MSN: variants seen among roughly 807,000 people sequenced by gnomAD.
The protein encoded by MSN is moesin, also known as epididymis luminal protein 70.
MSN carries 2 observed loss-of-function variants against 48.0 expected under a neutral mutation model. That is an observed-to-expected ratio of 0.04 (90% CI 0.02 to 0.13). MSN has a LOEUF of 0.13. Ranked by LOEUF, MSN falls within the 10% of genes least tolerant of loss-of-function variation. The pLI is 1.00. For missense variants in MSN, 267 were observed against 470.1 expected (o/e 0.57, Z 3.99); for synonymous variants, 146 against 166.9 (o/e 0.87, Z 0.97).
chrX:65,628,636 T>G (rs767243242), intron 1 of MSN, among the ~76,000 whole-genome samples: 11 of 112,129 alleles, frequency 9.8e-5, no homozygotes, highest in Admixed American at 1.9e-4. Flanking sequence ...TCTTGGGGAT[T>G]AACATTAGGC....
intron 1 of MSN, among the ~76,000 whole-genome samples, chrX:65,691,654 G>A (rs536904715): frequency 1.4e-4 from 15 of 110,607 alleles, no homozygotes; most frequent in African/African-American, 4.3e-4. Flanking sequence ...CCAGGTGCCC[G>A]CCTCCACGCC....
chrX:65,728,974 G>A (rs929738269), intron 3 of MSN, among the ~76,000 whole-genome samples: 1 of 112,007 alleles, frequency 8.9e-6, no homozygotes, highest in African/African-American at 3.2e-5. Context: ...TGCTGGACAA[G>A]TGTGGAGCCA....
At chrX:65,667,878 C>G (rs767602800) in intron 1 of MSN, 25 bp downstream of exon 1, 3 of 1,201,150 alleles carry the variant, frequency 2.5e-6, no homozygotes, top group South Asian at 1.8e-5. Context: ...TGGGCGCTGT[C>G]GACCCCAATG....
At chrX:65,642,026 C>T (rs1042157971) in intron 1 of MSN, among the ~76,000 whole-genome samples, 25 of 102,672 alleles carry the variant, frequency 2.4e-4, no homozygotes, top group African/African-American at 8.6e-4. Flanking sequence ...CCCAGCTACT[C>T]GGGAGGCTGA....
rs182405344 is a variant in MSN, at chrX:65,623,585, C to T, written c.-22+34973C>T. ...CAGCATTTTGGGAGGCCAAGGTGGG[C>T]GGATCACCCGAGGTCAGGAGTTCAA... is the stretch of plus-strand genomic sequence containing the variant. On this transcript the variant is annotated intron_variant, in intron 1 of 3. Transcript: ENST00000609672. Among the ~76,000 whole-genome samples the T allele has an allele frequency of 6.9e-3, 753 of 109,396 alleles. 29 individuals carry two copies. The highest frequency in any genetic ancestry group is 0.022 in the African/African-American group (653 of 29,673). 95.0% of individuals were successfully genotyped at this position (109,396 alleles called of 115,157 possible).
At chrX:65,666,036 G>A (rs2070865255), upstream of MSN, among the ~76,000 whole-genome samples, 2 of 111,486 alleles carry the variant, frequency 1.8e-5, no homozygotes, top group South Asian at 3.7e-4. Flanking sequence ...TTTTGGAGAC[G>A]GAGTCTTGTG....
intron 1 of MSN, among the ~76,000 whole-genome samples, chrX:65,658,876 G>C (rs1327643430): frequency 2.0e-5 from 2 of 102,525 alleles, no homozygotes; most frequent in Non-Finnish European, 4.0e-5. Context: ...ACGAAGTCTT[G>C]CTCTGTCACC....
chrX:65,733,020 C>T (rs2071638123), intron 6 of MSN, among the ~76,000 whole-genome samples, 164 bp from the exon 7 acceptor site: 1 of 109,602 alleles, frequency 9.1e-6, no homozygotes, highest in Non-Finnish European at 1.9e-5. Context: ...AGTTCAAGAC[C>T]AACCTGGGTA....
intron 2 of MSN, among the ~76,000 whole-genome samples, chrX:65,717,745 C>T (rs1269970496): frequency 9.0e-6 from 1 of 111,586 alleles, no homozygotes; most frequent in Non-Finnish European, 1.9e-5. Flanking sequence ...CACCAGACTC[C>T]GATGAAGTGG....
intron 1 of MSN, among the ~76,000 whole-genome samples, chrX:65,704,857 C>T (rs1355135131): frequency 9.3e-6 from 1 of 107,339 alleles, no homozygotes; most frequent in African/African-American, 3.4e-5. Context: ...GCAATCTCCG[C>T]TTCCCGGGTT....
intron 1 of MSN, among the ~76,000 whole-genome samples, chrX:65,606,045 C>T (rs139606974): frequency 2.3e-4 from 25 of 110,624 alleles, no homozygotes; most frequent in African/African-American, 6.6e-4. Flanking sequence ...CAGGCTCAAG[C>T]GATCCTTCTA....
intron 1 of MSN, among the ~76,000 whole-genome samples, chrX:65,655,603 C>T (rs745423006): frequency 8.9e-6 from 1 of 112,419 alleles, no homozygotes. Flanking sequence ...AAACCTTCTC[C>T]CTCGTGTCCC....
chrX:65,678,545 G>A (rs1420701907), intron 1 of MSN, among the ~76,000 whole-genome samples: 1 of 111,296 alleles, frequency 9.0e-6, no homozygotes, highest in Admixed American at 9.6e-5. Flanking sequence ...AAGCCTTCCA[G>A]TTGGTAAGTC....
chrX:65,691,057 C>T (rs557099230), intron 1 of MSN, among the ~76,000 whole-genome samples: 3 of 110,987 alleles, frequency 2.7e-5, no homozygotes, highest in Admixed American at 9.6e-5. Flanking sequence ...TCTTTTCTCT[C>T]GCCAGTATCA....
chrX:65,698,832 T>C (rs2071272891), intron 1 of MSN, among the ~76,000 whole-genome samples: 1 of 112,092 alleles, frequency 8.9e-6, no homozygotes, highest in African/African-American at 3.2e-5. Context: ...AGCTGGACAC[T>C]TTTTTCCTGA....
intron 1 of MSN, among the ~76,000 whole-genome samples, chrX:65,677,572 A>G (rs976909531): frequency 2.7e-5 from 3 of 110,850 alleles, no homozygotes; most frequent in African/African-American, 6.6e-5. Flanking sequence ...AGCCTGGCCA[A>G]TATGGTGAAA....
intron 1 of MSN, among the ~76,000 whole-genome samples, chrX:65,594,382 C>T (rs927936087): frequency 4.6e-5 from 5 of 109,322 alleles, no homozygotes; most frequent in Non-Finnish European, 9.5e-5. Context: ...GTACCCTGTT[C>T]TAGGCAGCAG....
chrX:65,646,879 G>A (rs938469190), intron 1 of MSN, among the ~76,000 whole-genome samples: 14 of 111,206 alleles, frequency 1.3e-4, no homozygotes, highest in Middle Eastern at 4.7e-3. Context: ...CCCGGGGAGC[G>A]GAGGTTGTGG....
At chrX:65,716,404 T>C in intron 1 of MSN, 1 of 196,445 alleles carries the variant, frequency 5.1e-6, no homozygotes, top group Non-Finnish European at 1.0e-5. Context: ...GCCTCCCAAG[T>C]AGCTTGAACT....
Sources: gnomAD v4.1 joint callset for allele counts (sites outside exome capture counted in the v4.1 genomes callset) on GRCh38, gnomAD v4.1.1 for gene constraint, MANE v1.5 for transcripts, NCBI Gene and HGNC (gene_info 2026-07-23, HGNC 2026-07-21) for gene names.